SSBP2: variants seen among roughly 807,000 people sequenced by gnomAD.
The protein encoded by SSBP2 is single-stranded DNA-binding protein 2.
Under a neutral mutation model 61.8 loss-of-function variants are expected in SSBP2, and 17 were observed. That is an observed-to-expected ratio of 0.28 (90% CI 0.19 to 0.41). The LOEUF (loss-of-function observed/expected upper bound fraction) is 0.41, where lower values mean the gene tolerates loss of function less well. Ranked by LOEUF, SSBP2 falls within the 10% of genes least tolerant of loss-of-function variation. The pLI is 1.00. For synonymous variants in SSBP2, 139 were observed against 141.3 expected (o/e 0.98, Z 0.12); for missense variants, 310 against 458.7 (o/e 0.68, Z 2.96).
chr5:81,751,585 G>A (rs542282646), upstream of SSBP2: 270 of 161,376 alleles, frequency 1.7e-3, no homozygotes, highest in South Asian at 9.1e-3. Context: ...GTCCACGACA[G>A]AGCCACGGCC....
At position 81,664,197 on chromosome 5, in the gene SSBP2, A is replaced by G. The variant is rs371272891; in HGVS notation, c.63-13858T>C. ...GAGTGCAGTGGTGGCATCTCTGCTC[A>G]CTGCAACCTCTGCCTCCCGGGTTCT... is the stretch of plus-strand genomic sequence containing the variant. On this transcript the variant is annotated intron_variant, in intron 1 of 16. Transcript: ENST00000320672. 5.0e-4 allele frequency among the ~76,000 whole-genome samples: 75 copies of G among 149,216 alleles called. No individual in the cohort carries two copies. The East Asian group carries it at 0.013, about 26-fold the overall frequency.
intron 4 of SSBP2, among the ~76,000 whole-genome samples, chr5:81,551,897 C>T (rs1033658265): frequency 3.9e-5 from 6 of 152,114 alleles, no homozygotes; most frequent in Admixed American, 1.3e-4. Context: ...AAAGTAATTA[C>T]ACATTTTGAT....
At chr5:81,610,332 G>C (rs929040578) in intron 4 of SSBP2, among the ~76,000 whole-genome samples, 4 of 152,146 alleles carry the variant, frequency 2.6e-5, no homozygotes, top group African/African-American at 9.7e-5. Context: ...CTCCCCTACA[G>C]CATAGTTACA....
Position 81,413,767 on chromosome 5 carries a change from G to C in SSBP2, c.*6737C>G, listed in dbSNP as rs2153866527. On this transcript the variant is annotated 3_prime_UTR_variant, in exon 17 of 17. Coordinates refer to ENST00000320672, the MANE Select transcript of SSBP2 (RefSeq NM_012446.5). ...TTTATATTAAGAAGATTTCTAAGAT[G>C]GTGCTAAATTTAAAGTAATTTGTTG... 1 of 152,212 alleles carries C rather than the reference G, an allele frequency of 6.6e-6. No individual in the cohort carries two copies. Among genetic ancestry groups the C allele is most frequent in the East Asian group, 1.9e-4 (1 of 5,182 alleles). 9.4% of individuals were successfully genotyped at this position (152,212 alleles called of 1,614,324 possible).
intron 4 of SSBP2, among the ~76,000 whole-genome samples, chr5:81,614,570 C>T (rs1456467267): frequency 6.6e-6 from 1 of 152,026 alleles, no homozygotes; most frequent in African/African-American, 2.4e-5. Flanking sequence ...GTTTTTAAGG[C>T]ATTTTACACA....
At chr5:81,628,552 A>T (rs781250109) in intron 3 of SSBP2, among the ~76,000 whole-genome samples, 1 of 152,236 alleles carries the variant, frequency 6.6e-6, no homozygotes, top group Admixed American at 6.5e-5. Flanking sequence ...ACACATTAAC[A>T]TCAGAAGAAA....
intron 4 of SSBP2, among the ~76,000 whole-genome samples, chr5:81,600,453 C>T (rs1744241159): frequency 6.6e-6 from 1 of 150,790 alleles, no homozygotes; most frequent in Non-Finnish European, 1.5e-5. Flanking sequence ...TCCAGCTAAC[C>T]CAGGAGGCTG....
intron 3 of SSBP2, among the ~76,000 whole-genome samples, chr5:81,621,280 TA>T (rs1214603532): frequency 2.0e-4 from 2 of 10,118 alleles, no homozygotes; most frequent in Non-Finnish European, 3.1e-4. Context: ...ACAACCCCAT[TA>T]AAAAGTGGGC....
At chr5:81,589,713 C>T (rs144261710) in intron 4 of SSBP2, among the ~76,000 whole-genome samples, 2 of 152,164 alleles carry the variant, frequency 1.3e-5, no homozygotes, top group African/African-American at 4.8e-5. Flanking sequence ...TAACAGAACG[C>T]CAGAGACAGT....
intron 4 of SSBP2, among the ~76,000 whole-genome samples, chr5:81,565,054 T>C (rs1339207043): frequency 6.6e-6 from 1 of 152,232 alleles, no homozygotes; most frequent in Non-Finnish European, 1.5e-5. Context: ...GCATTACGCA[T>C]AGTCTTCTGT....
chr5:81,461,950 C>T (rs1055112673), intron 9 of SSBP2, among the ~76,000 whole-genome samples: 1 of 152,116 alleles, frequency 6.6e-6, no homozygotes, highest in Non-Finnish European at 1.5e-5. Context: ...TACTGTCAGT[C>T]GGTCTCCTCT....
At chr5:81,518,338 G>A (rs1769195229) in intron 4 of SSBP2, among the ~76,000 whole-genome samples, 3 of 152,082 alleles carry the variant, frequency 2.0e-5, no homozygotes. Flanking sequence ...AAATTCAGGT[G>A]TTGCCAGTGT....
intron 1 of SSBP2, among the ~76,000 whole-genome samples, chr5:81,672,702 G>A (rs916653974): frequency 1.9e-4 from 29 of 151,816 alleles, no homozygotes; most frequent in Admixed American, 1.1e-3. Flanking sequence ...ATCCTGTGTA[G>A]CTGGGATTGC....
At chr5:81,708,221 A>G (rs1561714223) in intron 1 of SSBP2, among the ~76,000 whole-genome samples, 1 of 152,142 alleles carries the variant, frequency 6.6e-6, no homozygotes, top group East Asian at 1.9e-4. Flanking sequence ...TCTGCCTTCA[A>G]GGAGCTCTCT....
At chr5:81,469,616 T>C (rs1765116235) in intron 8 of SSBP2, among the ~76,000 whole-genome samples, 1 of 151,972 alleles carries the variant, frequency 6.6e-6, no homozygotes, top group Non-Finnish European at 1.5e-5. Flanking sequence ...TTACTCATCT[T>C]TGTATACCCA....
intron 4 of SSBP2, among the ~76,000 whole-genome samples, chr5:81,584,283 G>A (rs1051024894): frequency 6.6e-6 from 1 of 151,864 alleles, no homozygotes; most frequent in African/African-American, 2.4e-5. Context: ...CTAGTAATAC[G>A]CATTATATTT....
intron 1 of SSBP2, among the ~76,000 whole-genome samples, chr5:81,710,980 C>A (rs903950646): frequency 3.3e-5 from 5 of 152,044 alleles, no homozygotes; most frequent in Non-Finnish European, 7.4e-5. Context: ...AAGAGCCAGG[C>A]AAGGAACTGT....
chr5:81,500,626 A>T (rs570817616), intron 5 of SSBP2, among the ~76,000 whole-genome samples: 2 of 152,014 alleles, frequency 1.3e-5, no homozygotes, highest in Admixed American at 1.3e-4. Context: ...ATGCCCAGCT[A>T]ATTTTTGTAT....
chr5:81,539,199 T>C (rs1006550779), intron 4 of SSBP2, among the ~76,000 whole-genome samples: 5 of 152,170 alleles, frequency 3.3e-5, no homozygotes, highest in Non-Finnish European at 7.3e-5. Context: ...TGGATGACTT[T>C]AAGGGGTTCA....
Sources: gnomAD v4.1 joint callset for allele counts (sites outside exome capture counted in the v4.1 genomes callset) on GRCh38, gnomAD v4.1.1 for gene constraint, MANE v1.5 for transcripts, NCBI Gene and HGNC (gene_info 2026-07-23, HGNC 2026-07-21) for gene names.